ZNF254: variants seen among roughly 807,000 people sequenced by gnomAD.
ZNF254 encodes the protein zinc finger protein 254, also known as CTD-2017D11.1.
Under a neutral mutation model 12.4 loss-of-function variants are expected in ZNF254, and 10 were observed. That is an observed-to-expected ratio of 0.80 (90% CI 0.50 to 1.36). ZNF254 has a LOEUF of 1.36. Among genes scored for constraint, ZNF254 ranks in the 40% most tolerant of loss-of-function variants. The pLI, the probability that ZNF254 is intolerant of heterozygous loss-of-function variation, is 0.00. For synonymous variants in ZNF254, 305 were observed against 253.4 expected (o/e 1.20, Z -1.93); for missense variants, 996 against 763.9 (o/e 1.30, Z -3.58).
Position 24,121,549 on chromosome 19 carries a change from T to A in ZNF254, c.254-4705T>A, listed in dbSNP as rs774441810. ...ATATCTGTTTGTTTGCCTGTATAAATGTTATCTTTTTTAAATTTTTTTTTT... is the reference window on the plus strand; with the variant it reads ...ATATCTGTTTGTTTGCCTGTATAAAAGTTATCTTTTTTAAATTTTTTTTTT... On this transcript the variant is annotated intron_variant, in intron 3 of 3. Transcript: ENST00000357002. Among the ~76,000 whole-genome samples the A allele has an allele frequency of 1.6e-4, 24 of 152,226 alleles. No individual in the cohort carries two copies. The South Asian group carries it at 2.5e-3, about 16-fold the overall frequency.
chr19:24,068,707 G>A (rs1971368896), intron 2 of ZNF254, among the ~76,000 whole-genome samples: 1 of 152,086 alleles, frequency 6.6e-6, no homozygotes. Context: ...AAAAGATTGT[G>A]ACATACCTTT....
At chr19:24,043,399 C>T (rs749201004) in intron 1 of ZNF254, among the ~76,000 whole-genome samples, 3 of 151,978 alleles carry the variant, frequency 2.0e-5, no homozygotes, top group Admixed American at 6.6e-5. Context: ...GTAGCTGGTA[C>T]GACAGGTGCA....
In ZNF254 at chr19:24,127,544, A is replaced by T. The variant is rs2463042; in HGVS notation, c.1544A>T (p.Glu515Val). ...ACACATAAGATAATTCATACTGGAG[A>T]GAAACCCTACAAATGTGAAGAATGT... ...LTTHKIIHTG[E>V]KPYKCEECGK... Residue 515 changes from glutamate (E) to valine (V), a missense_variant, in exon 4 of 4, where the codon GAG (glutamate) becomes GTG (valine). Physicochemically the swap from Glu to Val is moderately radical, Grantham distance 121 (BLOSUM62 -2). Coordinates refer to ENST00000357002, the MANE Select transcript of ZNF254 (RefSeq NM_203282.4). 6.2e-7 allele frequency: 1 copy of T among 1,613,616 alleles called. No individual in the cohort carries two copies. Among genetic ancestry groups the T allele is most frequent in the Non-Finnish European group, 8.5e-7 (1 of 1,179,838 alleles).
chr19:24,074,759 C>T (rs1971599543), intron 2 of ZNF254, among the ~76,000 whole-genome samples: 1 of 152,164 alleles, frequency 6.6e-6, no homozygotes, highest in Non-Finnish European at 1.5e-5. Context: ...TGGCTCTGCC[C>T]ACTGGAGTGA....
intron 1 of ZNF254, among the ~76,000 whole-genome samples, chr19:24,089,634 G>A (rs1431011031): frequency 6.6e-6 from 1 of 152,080 alleles, no homozygotes; most frequent in East Asian, 1.9e-4. Flanking sequence ...AGGAAAATCT[G>A]AGGTATTGAG....
At chr19:24,109,922 G>T (rs115877191) in intron 3 of ZNF254, among the ~76,000 whole-genome samples, 2,535 of 150,638 alleles carry the variant, frequency 0.017, 81 homozygotes, top group African/African-American at 0.058. Flanking sequence ...TAGAGACGGG[G>T]TTTGCCATGT....
rs769227711 is a variant in ZNF254 at position 24,126,820 on chromosome 19, G to A, written c.820G>A (p.Ala274Thr). The change falls in exon 4 of 4, where the codon GCT becomes ACT. Residue 274 changes from alanine (A) to threonine (T), a missense_variant. Transcript: ENST00000357002. Reference sequence around the variant, plus strand: ...CTACAAATGTGAAGAATGTGGTGAAGCTTTTAATCGATCCTCAAATCTTAC... The same window carrying A: ...CTACAAATGTGAAGAATGTGGTGAAACTTTTAATCGATCCTCAAATCTTAC... ...KLYKCEECGE[A>T]FNRSSNLTTH... 289 of 1,613,068 alleles carry A rather than the reference G, an allele frequency of 1.8e-4. No homozygotes were observed. Among genetic ancestry groups the A allele is most frequent in the Non-Finnish European group, 2.4e-4 (279 of 1,179,662 alleles).
intron 2 of ZNF254, among the ~76,000 whole-genome samples, chr19:24,067,252 T>A (rs1429665900): frequency 4.6e-5 from 7 of 151,930 alleles, no homozygotes; most frequent in Admixed American, 3.9e-4. Flanking sequence ...TAGCTTTTAA[T>A]ATACCTTTGG....
At chr19:24,058,144 C>G (rs979918761) in intron 2 of ZNF254, among the ~76,000 whole-genome samples, 5 of 152,206 alleles carry the variant, frequency 3.3e-5, no homozygotes, top group African/African-American at 1.2e-4. Context: ...CTGCTGCACA[C>G]AGAAGCGGGT....
rs757610921 is a variant in ZNF254 at position 24,126,879 on chromosome 19, T to C, written c.879T>C (p.Pro293=). Residue 293 remains proline, a synonymous_variant, in exon 4 of 4, where the codon CCT becomes CCC. Transcript: ENST00000357002. ...THKIIHTGEK[P]YKCEECGKAF... The stretch of plus-strand genomic sequence containing the variant: ...AGATAATTCATACTGGAGAGAAACC[T>C]TACAAGTGTGAAGAATGTGGCAAAG... The C allele has an allele frequency of 6.2e-7, 1 of 1,612,310 alleles. No homozygotes were observed. The highest frequency in any genetic ancestry group is 1.3e-5 in the African/African-American group (1 of 74,614).
chr19:24,118,394 A>C (rs1974255546), intron 3 of ZNF254, among the ~76,000 whole-genome samples: 1 of 152,040 alleles, frequency 6.6e-6, no homozygotes, highest in African/African-American at 2.4e-5. Context: ...GTTTTTAAAA[A>C]ATTGATAGTG....
intron 1 of ZNF254, among the ~76,000 whole-genome samples, chr19:24,034,240 C>T (rs1473276542): frequency 6.6e-6 from 1 of 151,994 alleles, no homozygotes; most frequent in East Asian, 1.9e-4. Context: ...GTGACTCAAG[C>T]TAAGGATAGT....
Position 24,088,111 on chromosome 19 carries a change from T to C in ZNF254, c.30+774T>C, listed in dbSNP as rs1026618455. Among the ~76,000 whole-genome samples the C allele has an allele frequency of 3.3e-5, 5 of 152,018 alleles. No individual in the cohort carries two copies. In the South Asian group the frequency reaches 6.2e-4, roughly 19 times the overall value. On this transcript the variant is annotated intron_variant, in intron 1 of 3. Transcript: ENST00000357002. ...TTAGTAGAGACGGGGTTTTACCATG[T>C]TGGCCAGGCTGGTCTCCAACTCCTG...
chr19:24,090,971 C>CA (rs1341103991), intron 1 of ZNF254, among the ~76,000 whole-genome samples: 1 of 97,088 alleles, frequency 1.0e-5, no homozygotes, highest in African/African-American at 4.2e-5. Context: ...TTTTTTGAGA[C>CA]AGAGTCTCAC....
intron 3 of ZNF254, among the ~76,000 whole-genome samples, chr19:24,108,274 A>AC (rs756555883): frequency 6.6e-6 from 1 of 151,858 alleles, no homozygotes; most frequent in Non-Finnish European, 1.5e-5. Context: ...GAAAGGCAGG[A>AC]CCCCCCCAGA....
intron 3 of ZNF254, among the ~76,000 whole-genome samples, chr19:24,113,315 T>A (rs1267268429): frequency 6.6e-6 from 1 of 152,046 alleles, no homozygotes; most frequent in Non-Finnish European, 1.5e-5. Flanking sequence ...CAGCAGCACA[T>A]CAAAAAGCTT....
chr19:24,119,909 G>A (rs1974363682), intron 3 of ZNF254, among the ~76,000 whole-genome samples: 1 of 151,914 alleles, frequency 6.6e-6, no homozygotes, highest in African/African-American at 2.4e-5. Flanking sequence ...TTTTAATTGT[G>A]TAGTGACATG....
chr19:24,047,199 T>C (rs190304176), intron 2 of ZNF254, among the ~76,000 whole-genome samples: 22 of 152,072 alleles, frequency 1.4e-4, no homozygotes, highest in Admixed American at 1.4e-3. Context: ...TTTTTCTCCC[T>C]TTTTGTCTCT....
Position 24,052,058 on chromosome 19 carries a change from A to G in ZNF254, c.-94+5779A>G, listed in dbSNP as rs73928516. On this transcript the variant is annotated intron_variant, in intron 2 of 4. Coordinates refer to the ZNF254 transcript ENST00000613065. ...TATATAGGTGATGTGACTCTCTTGC[A>G]TGGGCCCTCCACATAAGGGGTAGTG... is the stretch of plus-strand genomic sequence containing the variant. Among the ~76,000 whole-genome samples the G allele has an allele frequency of 4.9e-3, 742 of 152,214 alleles. 6 individuals carry two copies. Among genetic ancestry groups the G allele is most frequent in the African/African-American group, 0.017 (704 of 41,538 alleles).
Sources: gnomAD v4.1 joint callset for allele counts (sites outside exome capture counted in the v4.1 genomes callset) on GRCh38, gnomAD v4.1.1 for gene constraint, MANE v1.5 for transcripts, NCBI Gene and HGNC (gene_info 2026-07-23, HGNC 2026-07-21) for gene names.